MYO1H: variants seen among roughly 807,000 people sequenced by gnomAD.
The protein encoded by MYO1H is unconventional myosin-Ih.
Under a neutral mutation model 149.3 loss-of-function variants are expected in MYO1H, and 118 were observed. The observed-to-expected ratio is 0.79, with a 90% CI of 0.68 to 0.92. MYO1H has a LOEUF of 0.92. Among genes scored for constraint, MYO1H ranks in the 40% least tolerant of loss-of-function variants. The pLI is 0.00. For synonymous variants in MYO1H, 447 were observed against 465.2 expected (o/e 0.96, Z 0.50); for missense variants, 1,212 against 1,280.7 (o/e 0.95, Z 0.82).
intron 2 of MYO1H, 33 bp from the exon 3 acceptor site, chr12:109,393,298 A>T (rs908900453): frequency 8.1e-6 from 11 of 1,364,286 alleles, no homozygotes; most frequent in Non-Finnish European, 1.1e-5. Context: ...GCACCCCAGA[A>T]TTCCTCACTT....
At chr12:109,409,236 TCTTCTTCTTC>T (rs1158609440) in intron 10 of MYO1H, among the ~76,000 whole-genome samples, 1 of 107,498 alleles carries the variant, frequency 9.3e-6, no homozygotes, top group East Asian at 2.2e-4. Flanking sequence ...TTCTTCTTCT[TCTTCTTCTTC>T]TTTTTTTTTT....
chr12:109,359,981 T>TG (rs1868705708), intron 1 of MYO1H, among the ~76,000 whole-genome samples: 1 of 152,246 alleles, frequency 6.6e-6, no homozygotes, highest in African/African-American at 2.4e-5. Context: ...CCGCGACCTC[T>TG]GTCCTGTTCC....
chr12:109,321,291 G>A, the MYO1H span, among the ~76,000 whole-genome samples: 4 of 152,060 alleles, frequency 2.6e-5, no homozygotes, highest in African/African-American at 7.2e-5. Context: ...GGTGGCTCAC[G>A]CCTGTAATCC....
chr12:109,414,221 A>G (rs1477812899), intron 14 of MYO1H, among the ~76,000 whole-genome samples: 1 of 152,122 alleles, frequency 6.6e-6, no homozygotes, highest in Non-Finnish European at 1.5e-5. Context: ...CACACCTGTA[A>G]TCCCAGCTGT....
In MYO1H at chr12:109,393,591, TCATCCACCTATC is replaced by T. The variant is rs908869206; in HGVS notation, c.290+158_290+169del. ...TCCATCCATCCGCCCACCCATCCAT[TCATCCACCTATC>T]CATCCACCTATCTATCCATCCATCC... is the stretch of plus-strand genomic sequence containing the variant. On this transcript the variant is annotated intron_variant, in intron 3 of 31. Coordinates refer to ENST00000310903, the Ensembl canonical transcript of MYO1H. The T allele has an allele frequency of 9.5e-5, 27 of 284,920 alleles. No homozygotes were observed. The African/African-American group carries it at 1.0e-3, about 11-fold the overall frequency. The allele number at this position is 284,920 out of a possible 1,614,324, so 17.6% of individuals were successfully genotyped here. A position where few individuals can be genotyped will look rare whatever the true frequency, so the allele number is the denominator to read the frequency against.
the MYO1H span, among the ~76,000 whole-genome samples, chr12:109,337,092 G>T: frequency 6.6e-6 from 1 of 152,194 alleles, no homozygotes; most frequent in African/African-American, 2.4e-5. Context: ...TGGAGGGAAG[G>T]AAGGAAGCAC....
At chr12:109,382,042 A>T (rs1419701793) in intron 1 of MYO1H, among the ~76,000 whole-genome samples, 1 of 152,194 alleles carries the variant, frequency 6.6e-6, no homozygotes, top group Non-Finnish European at 1.5e-5. Context: ...TCTTTATAGA[A>T]CAGTCTCATC....
chr12:109,414,052 A>G (rs1208105826), intron 14 of MYO1H, among the ~76,000 whole-genome samples: 2 of 152,200 alleles, frequency 1.3e-5, no homozygotes, highest in Admixed American at 1.3e-4. Context: ...CTGGTAATGA[A>G]TGCTCTGCTT....
intron 7 of MYO1H, 111 bp from the exon 8 acceptor site, chr12:109,405,811 G>T (rs185210088): frequency 4.2e-5 from 31 of 734,746 alleles, no homozygotes; most frequent in Admixed American, 4.1e-4. Flanking sequence ...GAATTGGGAC[G>T]GGGGCATTTT....
intron 30 of MYO1H, 102 bp from the exon 31 acceptor site, chr12:109,445,411 C>A: frequency 4.6e-6 from 4 of 874,514 alleles, no homozygotes; most frequent in South Asian, 3.8e-5. Context: ...GGAATTTGAT[C>A]TTGAAACTAG....
intron 10 of MYO1H, 94 bp downstream of exon 10, chr12:109,408,007 T>G: frequency 6.6e-7 from 1 of 1,516,156 alleles, no homozygotes; most frequent in Non-Finnish European, 9.1e-7. Context: ...GAGAATGAAC[T>G]GTGGGCGCCT....
intron 31 of MYO1H, among the ~76,000 whole-genome samples, chr12:109,446,816 A>T (rs1300396588): frequency 1.3e-5 from 2 of 152,226 alleles, no homozygotes; most frequent in Non-Finnish European, 2.9e-5. Context: ...AGACACAATG[A>T]ACTCCTTTGG....
the MYO1H span, among the ~76,000 whole-genome samples, chr12:109,323,775 C>G: frequency 6.6e-6 from 1 of 152,162 alleles, no homozygotes; most frequent in Non-Finnish European, 1.5e-5. Flanking sequence ...TTAAGAACGT[C>G]TATTCCTTAT....
At chr12:109,387,752 C>A (rs1188811122) in intron 1 of MYO1H, among the ~76,000 whole-genome samples, 1 of 152,228 alleles carries the variant, frequency 6.6e-6, no homozygotes, top group Non-Finnish European at 1.5e-5. Context: ...ACCACTTTGT[C>A]ACAGCCCTCC....
At chr12:109,419,619 C>T (rs562888552) in intron 15 of MYO1H, among the ~76,000 whole-genome samples, 21 of 152,170 alleles carry the variant, frequency 1.4e-4, no homozygotes, top group African/African-American at 4.1e-4. Flanking sequence ...GCAATCGTGG[C>T]TCACTGCAGT....
At chr12:109,418,195 A>G (rs1165269892) in intron 15 of MYO1H, among the ~76,000 whole-genome samples, 2 of 151,556 alleles carry the variant, frequency 1.3e-5, no homozygotes, top group African/African-American at 4.9e-5. Flanking sequence ...CAGATATACA[A>G]TTTGCAAATA....
rs1391773912 is a variant in MYO1H at position 109,406,771 on chromosome 12, G to T, written c.964-18G>T. On this transcript the variant is annotated intron_variant, in intron 8 of 31. Transcript: ENST00000310903. ...AACTGCGTCACTGAATAGCATTCTG[G>T]ATTTCTTTTACATGCAGCTCCTGGG... 1.2e-6 allele frequency: 2 copies of T among 1,612,442 alleles called. No individual in the cohort carries two copies. The highest frequency in any genetic ancestry group is 1.7e-5 in the Admixed American group (1 of 60,010).
At position 109,427,621 on chromosome 12, in the gene MYO1H, CAT is replaced by C. The variant is rs1052634026; in HGVS notation, c.1949+36_1949+37del. The C allele has an allele frequency of 7.3e-6, 10 of 1,377,920 alleles. No homozygotes were observed. The African/African-American group carries it at 1.3e-4, about 18-fold the overall frequency. 85.4% of individuals were successfully genotyped at this position (1,377,920 alleles called of 1,614,324 possible). On this transcript the variant is annotated intron_variant, in intron 19 of 31. Transcript: ENST00000310903. ...GCTTTATTGATCTGAAGCCAATAGT[CAT>C]GTGCCTACTACATGAGAATCTCTGG... is the stretch of plus-strand genomic sequence containing the variant.
chr12:109,399,750 AAAAAAC>A (rs1870082389), intron 5 of MYO1H, among the ~76,000 whole-genome samples: 1 of 152,080 alleles, frequency 6.6e-6, no homozygotes, highest in Non-Finnish European at 1.5e-5. Context: ...CCGTCTTTAC[AAAAAAC>A]AAAAACAAAA....
Sources: gnomAD v4.1 joint callset for allele counts (sites outside exome capture counted in the v4.1 genomes callset) on GRCh38, gnomAD v4.1.1 for gene constraint, MANE v1.5 for transcripts, NCBI Gene and HGNC (gene_info 2026-07-23, HGNC 2026-07-21) for gene names.